SNTG2: variants seen among roughly 807,000 people sequenced by gnomAD.
SNTG2 encodes syntrophin gamma 2.
Under a neutral mutation model 70.9 loss-of-function variants are expected in SNTG2, and 74 were observed. The ratio of observed to expected loss-of-function variants is 1.04; its 90% confidence interval spans 0.86 to 1.27. The LOEUF (loss-of-function observed/expected upper bound fraction) is 1.27, where lower values mean the gene tolerates loss of function less well. SNTG2 is among the 50% of genes most tolerant of loss of function. The pLI is 0.00. For missense variants in SNTG2, 717 were observed against 690.7 expected (o/e 1.04, Z -0.43); for synonymous variants, 278 against 273.8 (o/e 1.02, Z -0.15).
At chr2:1,336,245 C>G (rs756653053) in intron 16 of SNTG2, among the ~76,000 whole-genome samples, 66 of 152,168 alleles carry the variant, frequency 4.3e-4, no homozygotes, top group Non-Finnish European at 7.2e-4. Context: ...CATAGACTTG[C>G]TGGCCATCTG....
At chr2:1,282,688 GC>G in intron 14 of SNTG2, among the ~76,000 whole-genome samples, 1 of 144,418 alleles carries the variant, frequency 6.9e-6, no homozygotes, top group Non-Finnish European at 1.5e-5. Context: ...TGAGCTGGGC[GC>G]TCTCCAAGGG....
At chr2:1,174,957 C>G (rs1671372323) in intron 8 of SNTG2, among the ~76,000 whole-genome samples, 2 of 152,142 alleles carry the variant, frequency 1.3e-5, no homozygotes, top group Admixed American at 1.3e-4. Context: ...AAATCTCTTC[C>G]TACAGCTTAT....
intron 14 of SNTG2, among the ~76,000 whole-genome samples, chr2:1,281,331 G>GTA (rs1225709040): frequency 3.7e-4 from 10 of 27,068 alleles, no homozygotes; most frequent in African/African-American, 5.3e-4. Context: ...TGTGGTGTGT[G>GTA]TGTGTGGTGG....
At chr2:1,273,466 C>A (rs531576858) in intron 14 of SNTG2, among the ~76,000 whole-genome samples, 2 of 151,950 alleles carry the variant, frequency 1.3e-5, no homozygotes, top group Non-Finnish European at 2.9e-5. Context: ...ATGCCTTTAC[C>A]ACTCCTACCG....
chr2:995,100 G>C (rs1661634154), intron 1 of SNTG2, among the ~76,000 whole-genome samples: 1 of 151,756 alleles, frequency 6.6e-6, no homozygotes, highest in Non-Finnish European at 1.5e-5. Flanking sequence ...CCAGTAAAAT[G>C]TTAAATGGAA....
At chr2:963,404 C>G (rs1159427959) in intron 1 of SNTG2, among the ~76,000 whole-genome samples, 1 of 152,070 alleles carries the variant, frequency 6.6e-6, no homozygotes, top group Non-Finnish European at 1.5e-5. Flanking sequence ...ATACAGTTTT[C>G]TAAACATTAG....
intron 15 of SNTG2, among the ~76,000 whole-genome samples, chr2:1,314,742 TTGAA>T (rs34833842): frequency 0.03 from 4,527 of 152,192 alleles, 226 homozygotes; most frequent in African/African-American, 0.1. Flanking sequence ...GAAAAAGAGG[TTGAA>T]TGGACTCAGT....
chr2:1,118,366 C>G (rs541568060), intron 4 of SNTG2, among the ~76,000 whole-genome samples: 65 of 152,262 alleles, frequency 4.3e-4, no homozygotes, highest in African/African-American at 1.5e-3. Flanking sequence ...CTGCCACCAT[C>G]ATTGTCCTGA....
intron 1 of SNTG2, among the ~76,000 whole-genome samples, chr2:970,610 A>G (rs1425344652): frequency 1.4e-5 from 2 of 142,128 alleles, no homozygotes; most frequent in East Asian, 2.0e-4. Context: ...ATCATTTTTT[A>G]TGGCTGCATA....
chr2:1,167,815 A>G (rs58849667), intron 7 of SNTG2, among the ~76,000 whole-genome samples: 86 of 126,912 alleles, frequency 6.8e-4, no homozygotes, highest in Admixed American at 1.1e-3. Context: ...GCAGAACTGA[A>G]GCCTACAGGC....
intron 8 of SNTG2, among the ~76,000 whole-genome samples, chr2:1,203,569 G>A (rs1673415941): frequency 6.6e-6 from 1 of 151,128 alleles, no homozygotes; most frequent in African/African-American, 2.4e-5. Context: ...CACGAGAATT[G>A]TTTGAACCCA....
chr2:1,083,485 C>A (rs753861303), intron 1 of SNTG2, 33 bp from the exon 2 acceptor site: 3 of 1,612,286 alleles, frequency 1.9e-6, no homozygotes, highest in Non-Finnish European at 2.5e-6. Context: ...TGCCCTCACA[C>A]CATTTTTTTG....
chr2:1,222,079 G>GTCTCTGTCTCTCTCTGTC (rs1675157561), intron 9 of SNTG2, among the ~76,000 whole-genome samples: 1 of 14,584 alleles, frequency 6.9e-5, no homozygotes, highest in Admixed American at 6.7e-4. Flanking sequence ...CTCTGTCTCT[G>GTCTCTGTCTCTCTCTGTC]TCTCTGTCTC....
rs1475281529 is a variant in SNTG2, at chr2:1,365,179, T to G, written c.1489-2164T>G. ...TTTGGGTATGATTGGCGAATCCAGC[T>G]TGAATTAAAGTTTAACACAAGGGCT... On this transcript the variant is annotated intron_variant, in intron 16 of 16. Transcript: ENST00000308624. Among the ~76,000 whole-genome samples, 4 of 152,260 alleles carry G rather than the reference T, an allele frequency of 2.6e-5. No individual in the cohort carries two copies. In the East Asian group the frequency reaches 7.7e-4, roughly 29 times the overall value.
chr2:1,141,384 T>C (rs1668738612), intron 6 of SNTG2, among the ~76,000 whole-genome samples: 1 of 152,206 alleles, frequency 6.6e-6, no homozygotes, highest in African/African-American at 2.4e-5. Flanking sequence ...TGGCGATGTG[T>C]GCTAACAGCT....
chr2:1,285,885 C>A (rs912835483), intron 14 of SNTG2, among the ~76,000 whole-genome samples: 3 of 152,276 alleles, frequency 2.0e-5, no homozygotes, highest in East Asian at 3.9e-4. Flanking sequence ...TTCCCATTGA[C>A]CTTAATCATA....
At chr2:1,278,643 A>G (rs1679369595) in intron 14 of SNTG2, among the ~76,000 whole-genome samples, 1 of 152,220 alleles carries the variant, frequency 6.6e-6, no homozygotes. Flanking sequence ...GTGCAGTGGT[A>G]GTCAAGAAAA....
chr2:1,264,260 T>C (rs1178173565), intron 13 of SNTG2, among the ~76,000 whole-genome samples: 1 of 152,214 alleles, frequency 6.6e-6, no homozygotes, highest in Non-Finnish European at 1.5e-5. Flanking sequence ...AAGGTAAAGA[T>C]GCAGCGTTCA....
At chr2:1,127,627 A>G (rs893462688) in intron 4 of SNTG2, among the ~76,000 whole-genome samples, 4 of 151,900 alleles carry the variant, frequency 2.6e-5, no homozygotes, top group African/African-American at 9.7e-5. Flanking sequence ...AATTTTTTCT[A>G]TCAGTGTTTC....
Sources: gnomAD v4.1 joint callset for allele counts (sites outside exome capture counted in the v4.1 genomes callset) on GRCh38, gnomAD v4.1.1 for gene constraint, MANE v1.5 for transcripts, NCBI Gene and HGNC (gene_info 2026-07-23, HGNC 2026-07-21) for gene names.